Variants in PARN observed in about 807,000 individuals in gnomAD.
The protein encoded by PARN is poly(A)-specific ribonuclease PARN.
A neutral mutation model predicts 102.8 loss-of-function variants in PARN; 71 were observed. That is an observed-to-expected ratio of 0.69 (90% CI 0.57 to 0.84). PARN has a LOEUF of 0.84. PARN is among the 40% of genes least tolerant of loss of function. PARN has a pLI of 0.00. For missense variants in PARN, 782 were observed against 760.9 expected, an observed-to-expected ratio of 1.03 and a Z score of -0.33; for synonymous variants, 261 against 252.9, an observed-to-expected ratio of 1.03 and a Z score of -0.30.
chr16:14,572,173 G>T (rs1237094829), intron 18 of PARN, among the ~76,000 whole-genome samples: 1 of 152,132 alleles, frequency 6.6e-6, no homozygotes, highest in Non-Finnish European at 1.5e-5. Context: ...TTCCCTGCAG[G>T]TGATCAGGCA....
intron 5 of PARN, among the ~76,000 whole-genome samples, chr16:14,625,102 C>A (rs1056923138): frequency 1.6e-4 from 24 of 152,072 alleles, no homozygotes; most frequent in African/African-American, 5.1e-4. Context: ...AGCCATGGAA[C>A]CCACTTTAAA....
At chr16:14,450,633 C>A (rs1184409434) in intron 22 of PARN, among the ~76,000 whole-genome samples, 1 of 152,128 alleles carries the variant, frequency 6.6e-6, no homozygotes, top group Non-Finnish European at 1.5e-5. Flanking sequence ...GAAGCAGAGA[C>A]ACCAGAGTAG....
At chr16:14,489,859 G>C (rs1056335031) in intron 21 of PARN, among the ~76,000 whole-genome samples, 2 of 152,178 alleles carry the variant, frequency 1.3e-5, no homozygotes, top group African/African-American at 2.4e-5. Context: ...GCCTATATTC[G>C]TATTAACCCA....
At chr16:14,623,257 T>C (rs1972431890) in intron 5 of PARN, among the ~76,000 whole-genome samples, 2 of 152,102 alleles carry the variant, frequency 1.3e-5, no homozygotes, top group African/African-American at 4.8e-5. Flanking sequence ...GGCTAATACC[T>C]GTAATCCCAG....
At chr16:14,557,510 T>G (rs1017332953) in intron 18 of PARN, among the ~76,000 whole-genome samples, 1 of 130,362 alleles carries the variant, frequency 7.7e-6, no homozygotes, top group African/African-American at 3.0e-5. Flanking sequence ...TGAACCGAGA[T>G]AGCAACACTG....
intron 21 of PARN, among the ~76,000 whole-genome samples, chr16:14,512,483 ACT>A (rs1372861784): frequency 3.3e-5 from 5 of 151,932 alleles, no homozygotes. Flanking sequence ...ACAGAGTGAG[ACT>A]CTCTCAAAAA....
chr16:14,554,062 T>C lies in PARN; in HGVS notation c.1405+3A>G, dbSNP rs368839652. ...AAAAAGTACATCTGAACTTGCGACTTACCAAAGGCACTGAAAAGCTGGTAA... is the reference window on the plus strand; with the variant it reads ...AAAAAGTACATCTGAACTTGCGACTCACCAAAGGCACTGAAAAGCTGGTAA... On this transcript the variant is annotated splice_donor_region_variant and intron_variant, in intron 20 of 23. Transcript: ENST00000437198. The C allele has an allele frequency of 3.9e-5, 62 of 1,603,480 alleles. No individual in the cohort carries two copies. Among genetic ancestry groups the C allele is most frequent in the Non-Finnish European group, 4.8e-5 (56 of 1,172,304 alleles).
intron 21 of PARN, among the ~76,000 whole-genome samples, chr16:14,535,987 T>A (rs1596605699): frequency 6.6e-6 from 1 of 152,182 alleles, no homozygotes; most frequent in Non-Finnish European, 1.5e-5. Context: ...CCTTTACTTA[T>A]TTAAAAAATA....
At chr16:14,562,666 T>G (rs1329139118) in intron 18 of PARN, among the ~76,000 whole-genome samples, 1 of 150,458 alleles carries the variant, frequency 6.6e-6, no homozygotes, top group Non-Finnish European at 1.5e-5. Flanking sequence ...AAAAAAAAAA[T>G]TACTCAAACT....
At chr16:14,540,491 A>G (rs1349020411) in intron 21 of PARN, among the ~76,000 whole-genome samples, 1 of 152,170 alleles carries the variant, frequency 6.6e-6, no homozygotes, top group African/African-American at 2.4e-5. Flanking sequence ...TATAATACAT[A>G]TATATATCTG....
At chr16:14,506,125 A>C (rs1964884904) in intron 21 of PARN, among the ~76,000 whole-genome samples, 3 of 152,252 alleles carry the variant, frequency 2.0e-5, no homozygotes. Flanking sequence ...TACTCCCGCC[A>C]GAAACATTTA....
At chr16:14,581,031 G>T in intron 17 of PARN, 88 bp from the exon 18 acceptor site, 1 of 743,648 alleles carries the variant, frequency 1.3e-6, no homozygotes, top group Non-Finnish European at 2.4e-6. Context: ...TAAATTAACA[G>T]CATGGTTCAA....
intron 23 of PARN, among the ~76,000 whole-genome samples, chr16:14,444,459 A>T (rs1961100312): frequency 6.6e-6 from 1 of 152,204 alleles, no homozygotes; most frequent in Non-Finnish European, 1.5e-5. Flanking sequence ...TAAATAACTT[A>T]TAGAAAGTTT....
intron 21 of PARN, among the ~76,000 whole-genome samples, chr16:14,508,958 C>G (rs554132616): frequency 1.3e-5 from 2 of 150,648 alleles, no homozygotes; most frequent in Non-Finnish European, 3.0e-5. Flanking sequence ...TAAAATTATC[C>G]TGAGAATCCA....
At chr16:14,629,898 C>T (rs1205582683) in intron 1 of PARN, among the ~76,000 whole-genome samples, 1 of 152,178 alleles carries the variant, frequency 6.6e-6, no homozygotes, top group East Asian at 1.9e-4. Flanking sequence ...CCGGATGGTG[C>T]CGGGGTTGGA....
intron 13 of PARN, among the ~76,000 whole-genome samples, chr16:14,592,338 G>A (rs1171995424): frequency 1.3e-5 from 2 of 152,212 alleles, no homozygotes; most frequent in African/African-American, 2.4e-5. Flanking sequence ...ACCTGGATCT[G>A]AACAGAGACC....
intron 6 of PARN, among the ~76,000 whole-genome samples, chr16:14,613,315 A>AG (rs1440208410): frequency 6.6e-6 from 1 of 150,806 alleles, no homozygotes; most frequent in Non-Finnish European, 1.5e-5. Context: ...ATCTCAAAAA[A>AG]AAAAAAAAAA....
At chr16:14,573,187 A>G (rs1968912354) in intron 18 of PARN, among the ~76,000 whole-genome samples, 1 of 152,078 alleles carries the variant, frequency 6.6e-6, no homozygotes, top group Non-Finnish European at 1.5e-5. Context: ...AACCTTATTT[A>G]TTTATTTTTA....
chr16:14,494,208 G>A (rs369239619), intron 21 of PARN, among the ~76,000 whole-genome samples: 6 of 152,112 alleles, frequency 3.9e-5, no homozygotes, highest in Non-Finnish European at 8.8e-5. Context: ...ATTAATGAAC[G>A]CCTGTATATT....
Sources: allele counts gnomAD v4.1 joint callset (sites outside exome capture counted in the v4.1 genomes callset), GRCh38; gene constraint gnomAD v4.1.1; transcripts MANE v1.5; gene names NCBI Gene and HGNC (gene_info 2026-07-23, HGNC 2026-07-21).